MYLK: variants seen among roughly 807,000 people sequenced by gnomAD.
The protein encoded by MYLK is myosin light chain kinase, smooth muscle.
MYLK carries 106 observed loss-of-function variants against 203.4 expected under a neutral mutation model. The ratio of observed to expected loss-of-function variants is 0.52; its 90% CI spans 0.45 to 0.61. The LOEUF (loss-of-function observed/expected upper bound fraction) is 0.61, where lower values mean the gene tolerates loss of function less well. MYLK is among the 20% of genes least tolerant of loss of function. MYLK has a pLI of 0.00. For missense variants in MYLK, 2,072 were observed against 2,442.3 expected (o/e 0.85, Z 3.20); for synonymous variants, 867 against 959.5 (o/e 0.90, Z 1.78).
intron 23 of MYLK, among the ~76,000 whole-genome samples, chr3:123,661,078 C>T (rs1250261537): frequency 1.3e-5 from 2 of 152,210 alleles, no homozygotes; most frequent in Non-Finnish European, 2.9e-5. Flanking sequence ...TAACATGCTG[C>T]TCCTGCCAGC....
chr3:123,630,041 C>T lies in MYLK; in HGVS notation c.4962-415G>A, dbSNP rs888817629. 3.6e-4 allele frequency among the ~76,000 whole-genome samples: 54 copies of T among 151,736 alleles called. 2 individuals carry two copies. The highest frequency in any genetic ancestry group is 2.9e-5 in the Non-Finnish European group (2 of 67,932). ...CACATGGTAGTGATCACCACTGCAC[C>T]CTTCTGTCCCCTCCTTCCCACCTCT... On this transcript the variant is annotated intron_variant, in intron 29 of 33. Transcript: ENST00000360304.
At chr3:123,621,361 G>A (rs1217289958) in intron 31 of MYLK, 1 of 152,182 alleles carries the variant, frequency 6.6e-6, no homozygotes, top group Non-Finnish European at 1.5e-5. Flanking sequence ...CTAGACAACA[G>A]ATGTCACCAC....
intron 3 of MYLK, among the ~76,000 whole-genome samples, chr3:123,817,395 T>C (rs951033047): frequency 1.1e-4 from 17 of 152,190 alleles, no homozygotes; most frequent in African/African-American, 4.1e-4. Context: ...CCACCACTCC[T>C]GTTTCTTACC....
chr3:123,630,873 C>T (rs1299201568), intron 29 of MYLK: 1 of 152,258 alleles, frequency 6.6e-6, no homozygotes, highest in Non-Finnish European at 1.5e-5. Context: ...GTGCACCTCA[C>T]CTTCATAGCA....
chr3:123,870,258 AAG>A (rs1347724478), intron 2 of MYLK, among the ~76,000 whole-genome samples: 1 of 152,232 alleles, frequency 6.6e-6, no homozygotes, highest in Non-Finnish European at 1.5e-5. Context: ...ACATTTCTAA[AAG>A]AGTCTCAAAA....
chr3:123,819,010 C>T (rs2065834985), intron 3 of MYLK, among the ~76,000 whole-genome samples: 1 of 152,176 alleles, frequency 6.6e-6, no homozygotes, highest in Non-Finnish European at 1.5e-5. Flanking sequence ...AACAGTACCA[C>T]CCTGGGCAAG....
intron 13 of MYLK, among the ~76,000 whole-genome samples, chr3:123,717,937 C>G (rs570203174): frequency 1.6e-4 from 24 of 149,762 alleles, no homozygotes; most frequent in African/African-American, 5.9e-4. Flanking sequence ...CTCACTGCAA[C>G]TGCAGTCTCG....
At chr3:123,730,552 C>T (rs536136890) in intron 11 of MYLK, among the ~76,000 whole-genome samples, 20 of 152,314 alleles carry the variant, frequency 1.3e-4, no homozygotes, top group African/African-American at 4.1e-4. Flanking sequence ...TATACCCATA[C>T]AATGCAATAT....
intron 3 of MYLK, among the ~76,000 whole-genome samples, chr3:123,824,741 T>TA (rs35572768): frequency 6.6e-6 from 1 of 152,052 alleles, no homozygotes; most frequent in African/African-American, 2.4e-5. Context: ...GTACTTTCAT[T>TA]AAAAAAAGAA....
Position 123,752,514 on chromosome 3 carries a change from C to A in MYLK, c.190G>T (p.Val64Leu). Residue 64 changes from valine to leucine, a missense_variant, in exon 5 of 34, where the codon GTG (valine) becomes TTG (leucine). Transcript: ENST00000360304. ...GGTTGCCCGTTTCTGTGCCATGTCA[C>A]CTGGGGCTCTGGGTAACCCCGGACC... ...GRVRGYPEPQ[V>L]TWHRNGQPIT... The A allele has an allele frequency of 6.2e-7, 1 of 1,613,828 alleles. No individual in the cohort carries two copies. Among genetic ancestry groups the A allele is most frequent in the Non-Finnish European group, 8.5e-7 (1 of 1,179,992 alleles).
At chr3:123,797,380 G>A (rs998198641) in intron 3 of MYLK, among the ~76,000 whole-genome samples, 16 of 152,102 alleles carry the variant, frequency 1.1e-4, no homozygotes, top group African/African-American at 3.9e-4. Flanking sequence ...GGCCAAGCTA[G>A]AGACTTGGTA....
Position 123,705,432 on chromosome 3 carries a change from C to T in MYLK, c.2390+2322G>A, listed in dbSNP as rs180971511. Among the ~76,000 whole-genome samples, 934 of 152,266 alleles carry T rather than the reference C, an allele frequency of 6.1e-3. 5 individuals are homozygous for T. The highest frequency in any genetic ancestry group is 7.5e-3 in the Non-Finnish European group (511 of 68,022). On this transcript the variant is annotated intron_variant, in intron 16 of 33. Coordinates refer to ENST00000360304, the MANE Select transcript of MYLK (RefSeq NM_053025.4). ...TCCCTGTGCACTTGGGAGAAACTCC[C>T]CAAGCAGAGCCATAAGGAATGGAAG... is the stretch of plus-strand genomic sequence containing the variant.
Position 123,716,292 on chromosome 3 carries a change from C to T in MYLK, c.1804+5836G>A, listed in dbSNP as rs769037917. 3.3e-5 allele frequency: 5 copies of T among 152,292 alleles called. No individual in the cohort carries two copies. The East Asian group carries it at 5.8e-4, about 18-fold the overall frequency. 9.4% of individuals were successfully genotyped at this position (152,292 alleles called of 1,614,324 possible). A position where few individuals can be genotyped will look rare whatever the true frequency, so the allele number is the denominator to read the frequency against. Reference sequence around the variant, plus strand: ...GGGGTTTGTGCAAGCTGTAAATCCCCGGGGCATCTGAATTCCCCTTAAACA... The same window carrying T: ...GGGGTTTGTGCAAGCTGTAAATCCCTGGGGCATCTGAATTCCCCTTAAACA... On this transcript the variant is annotated intron_variant, in intron 13 of 33. Coordinates refer to ENST00000360304, the MANE Select transcript of MYLK (RefSeq NM_053025.4).
At chr3:123,849,571 C>T (rs1489592131) in intron 2 of MYLK, among the ~76,000 whole-genome samples, 1 of 152,058 alleles carries the variant, frequency 6.6e-6, no homozygotes, top group Admixed American at 6.6e-5. Flanking sequence ...GAAATAATGG[C>T]TTTTCTAGTG....
chr3:123,705,793 T>C (rs168845), intron 16 of MYLK, among the ~76,000 whole-genome samples: 137,905 of 152,110 alleles, frequency 0.91, 64,054 homozygotes, highest in East Asian at 1. Flanking sequence ...TTTGCCAAGA[T>C]TCAGCCTTCC....
At chr3:123,672,364 G>T (rs1184604334) in intron 20 of MYLK, among the ~76,000 whole-genome samples, 1 of 152,080 alleles carries the variant, frequency 6.6e-6, no homozygotes, top group Non-Finnish European at 1.5e-5. Context: ...CAGAAACCTC[G>T]ATCTTGGACT....
chr3:123,760,053 T>A (rs1327373236), intron 4 of MYLK, among the ~76,000 whole-genome samples: 2 of 152,248 alleles, frequency 1.3e-5, no homozygotes, highest in Non-Finnish European at 2.9e-5. Context: ...TATGTGTGGA[T>A]GTGGGCTGCA....
intron 24 of MYLK, 144 bp from the exon 25 acceptor site, chr3:123,649,338 G>T (rs1576429357): frequency 1.9e-6 from 2 of 1,060,026 alleles, no homozygotes. Flanking sequence ...GGCATCCCCT[G>T]GGGCTGGTCA....
At chr3:123,756,885 TA>T (rs1381400219) in intron 4 of MYLK, among the ~76,000 whole-genome samples, 1 of 152,188 alleles carries the variant, frequency 6.6e-6, no homozygotes. Flanking sequence ...CAACTTGTCA[TA>T]AAAATAAAGA....
Sources: gnomAD v4.1 joint callset for allele counts (sites outside exome capture counted in the v4.1 genomes callset) on GRCh38, gnomAD v4.1.1 for gene constraint, MANE v1.5 for transcripts, NCBI Gene and HGNC (gene_info 2026-07-23, HGNC 2026-07-21) for gene names.